Variants in GTF2F2 observed in about 807,000 individuals in gnomAD.
GTF2F2 encodes general transcription factor IIF subunit 2.
In GTF2F2, 23 loss-of-function variants were observed where a neutral mutation model predicts 42.2. The ratio of observed to expected loss-of-function variants is 0.55; its 90% CI spans 0.39 to 0.77. GTF2F2 has a LOEUF of 0.77. GTF2F2 is among the 30% of genes least tolerant of loss of function. The pLI is 0.00. For synonymous variants in GTF2F2, 105 were observed against 100.8 expected, an observed-to-expected ratio of 1.04 and a Z score of -0.25; for missense variants, 261 against 287.2, an observed-to-expected ratio of 0.91 and a Z score of 0.66.
chr13:45,134,461 G>A (rs749302521), intron 1 of GTF2F2, among the ~76,000 whole-genome samples: 5 of 152,032 alleles, frequency 3.3e-5, no homozygotes, highest in Non-Finnish European at 7.4e-5. Flanking sequence ...GAGTCCTGAG[G>A]GCATCATTTG....
chr13:45,149,917 A>G, intron 3 of GTF2F2, 129 bp downstream of exon 3: 1 of 831,064 alleles, frequency 1.2e-6, no homozygotes. Flanking sequence ...AAGAACACAT[A>G]AAGGTATAAA....
In GTF2F2 at chr13:45,149,784, C is replaced by A; in HGVS notation, c.155C>A (p.Thr52Asn). The A allele has an allele frequency of 6.7e-7, 1 of 1,500,408 alleles. No individual in the cohort carries two copies. Among genetic ancestry groups the A allele is most frequent in the South Asian group, 1.3e-5 (1 of 76,102 alleles). The allele number at this position is 1,500,408 out of a possible 1,614,324, so 92.9% of individuals were successfully genotyped here. Residue 52 changes from threonine to asparagine, a missense_variant, in exon 3 of 8, where the codon ACT (threonine) becomes AAT (asparagine). Coordinates refer to ENST00000340473, the MANE Select transcript of GTF2F2 (RefSeq NM_004128.3). Reference protein sequence around the residue: ...KLRIAKTQGRTEVSFTLNEDL... With the variant: ...KLRIAKTQGRNEVSFTLNEDL... ...CTCTCCTTTAGGACTCAAGGAAGGA[C>A]TGAGGTAAGATTATTTATATGGAAA...
chr13:45,268,346 ATTTT>A (rs926044744), intron 7 of GTF2F2, among the ~76,000 whole-genome samples: 16 of 152,118 alleles, frequency 1.1e-4, no homozygotes, highest in African/African-American at 3.4e-4. Context: ...AAAGGACTTG[ATTTT>A]TTTTATTTAT....
In GTF2F2 at chr13:45,120,606, G is replaced by A. The variant is rs369980767; in HGVS notation, c.-50G>A. The A allele has an allele frequency of 2.0e-5, 28 of 1,420,174 alleles. No homozygotes were observed. In the African/African-American group the frequency reaches 3.6e-4, roughly 18 times the overall value. The allele number at this position is 1,420,174 out of a possible 1,614,324, so 88.0% of individuals were successfully genotyped here. A position where few individuals can be genotyped will look rare whatever the true frequency, so the allele number is the denominator to read the frequency against. On this transcript the variant is annotated 5_prime_UTR_variant, in exon 1 of 8. Coordinates refer to ENST00000340473, the MANE Select transcript of GTF2F2 (RefSeq NM_004128.3). ...CGGACGCCCGCTCCTCAGCCCTGCG[G>A]CTCCTGGGGTCGCTGCTGCATCCCG...
At chr13:45,242,916 TTTAG>T (rs1875391159) in intron 5 of GTF2F2, among the ~76,000 whole-genome samples, 1 of 152,186 alleles carries the variant, frequency 6.6e-6, no homozygotes, top group Non-Finnish European at 1.5e-5. Context: ...CATTTTTTCG[TTTAG>T]TTAGGTCTTA....
chr13:45,159,082 C>T (rs1593461507), intron 4 of GTF2F2, among the ~76,000 whole-genome samples: 2 of 152,254 alleles, frequency 1.3e-5, no homozygotes, highest in South Asian at 4.1e-4. Context: ...TAGCTTAGTA[C>T]CATATTCTGT....
intron 1 of GTF2F2, among the ~76,000 whole-genome samples, chr13:45,123,623 C>G (rs1868801208): frequency 7.4e-6 from 1 of 135,898 alleles, no homozygotes. Flanking sequence ...GAGTGAAACC[C>G]TATCTAAAAA....
rs373056601 is a variant in GTF2F2, at chr13:45,149,808, A to C, written c.159+20A>C. On this transcript the variant is annotated intron_variant, in intron 3 of 7. Transcript: ENST00000340473. ...ACTGAGGTAAGATTATTTATATGGA[A>C]ATTTTAGTTAAAACTTGAGACTATC... is the stretch of plus-strand genomic sequence containing the variant. 3.3e-6 allele frequency: 5 copies of C among 1,492,850 alleles called. No homozygotes were observed. Among genetic ancestry groups the C allele is most frequent in the African/African-American group, 2.9e-5 (2 of 70,168 alleles). The allele number at this position is 1,492,850 out of a possible 1,614,324, so 92.5% of individuals were successfully genotyped here. A position where few individuals can be genotyped will look rare whatever the true frequency, so the allele number is the denominator to read the frequency against.
intron 4 of GTF2F2, chr13:45,206,746 G>A (rs547676071): frequency 6.6e-6 from 1 of 152,252 alleles, no homozygotes; most frequent in South Asian, 2.1e-4. Flanking sequence ...ATTCTCCTAG[G>A]TTTTATGTCA....
At chr13:45,185,219 TTCTG>T (rs1485172543) in intron 4 of GTF2F2, among the ~76,000 whole-genome samples, 2 of 152,160 alleles carry the variant, frequency 1.3e-5, no homozygotes, top group East Asian at 1.9e-4. Flanking sequence ...CTCCTTTTTC[TTCTG>T]TCTTATTAAG....
intron 5 of GTF2F2, among the ~76,000 whole-genome samples, chr13:45,212,463 C>CTTTTCTT (rs376424917): frequency 7.3e-5 from 2 of 27,486 alleles, no homozygotes; most frequent in African/African-American, 1.1e-4. Context: ...TTCTTTCTTT[C>CTTTTCTT]TTTCTTTCTT....
rs577388597 is a variant in GTF2F2, at chr13:45,146,211, C to T, written c.141-3559C>T. Reference sequence around the variant, plus strand: ...GGGGAAGTATGAATAGGAATTAAAACAAGGCCTGGTGCGGTGGCTTATATC... The same window carrying T: ...GGGGAAGTATGAATAGGAATTAAAATAAGGCCTGGTGCGGTGGCTTATATC... On this transcript the variant is annotated intron_variant, in intron 2 of 7. Coordinates refer to ENST00000340473, the MANE Select transcript of GTF2F2 (RefSeq NM_004128.3). 3.9e-5 allele frequency among the ~76,000 whole-genome samples: 6 copies of T among 152,208 alleles called. No individual in the cohort carries two copies. In the South Asian group the frequency reaches 1.2e-3, roughly 32 times the overall value.
In GTF2F2 at chr13:45,264,427, G is replaced by A. The variant is rs943313523; in HGVS notation, c.487-2806G>A. ...CTCCCTAGTAGCTGGAGATACAGGC[G>A]TGTGCCACCACGCCCAGCTAATTTT... On this transcript the variant is annotated intron_variant, in intron 6 of 7. Transcript: ENST00000340473. Among the ~76,000 whole-genome samples, 4 of 152,000 alleles carry A rather than the reference G, an allele frequency of 2.6e-5. No individual in the cohort carries two copies. The South Asian group carries it at 6.2e-4, about 24-fold the overall frequency.
intron 5 of GTF2F2, among the ~76,000 whole-genome samples, chr13:45,231,637 T>C (rs1302401403): frequency 6.6e-6 from 1 of 152,154 alleles, no homozygotes; most frequent in Non-Finnish European, 1.5e-5. Context: ...TGGTCGTAAA[T>C]GAAGGTCTTT....
chr13:45,267,437 G>GA (rs1876614660), intron 7 of GTF2F2, 61 bp downstream of exon 7: 1 of 1,124,312 alleles, frequency 8.9e-7, no homozygotes, highest in East Asian at 2.5e-5. Flanking sequence ...CGACATTACT[G>GA]AAAGTGTGTC....
At chr13:45,185,800 A>G (rs149082523) in intron 4 of GTF2F2, among the ~76,000 whole-genome samples, 2 of 152,182 alleles carry the variant, frequency 1.3e-5, no homozygotes, top group South Asian at 2.1e-4. Flanking sequence ...GTCTCTCTCC[A>G]GTTATCTCAC....
intron 7 of GTF2F2, among the ~76,000 whole-genome samples, chr13:45,282,787 G>C (rs1166959576): frequency 6.6e-6 from 1 of 152,176 alleles, no homozygotes; most frequent in Admixed American, 6.5e-5. Context: ...TTACAGGCGT[G>C]AGCCACCAAG....
intron 5 of GTF2F2, among the ~76,000 whole-genome samples, chr13:45,242,338 A>G (rs1438173214): frequency 1.4e-5 from 2 of 142,440 alleles, no homozygotes; most frequent in Non-Finnish European, 3.0e-5. Flanking sequence ...CAGTAACTCT[A>G]CTGCTCTTCC....
intron 1 of GTF2F2, among the ~76,000 whole-genome samples, chr13:45,125,066 T>C (rs558146432): frequency 6.6e-6 from 1 of 152,332 alleles, no homozygotes; most frequent in South Asian, 2.1e-4. Flanking sequence ...GAAACTGGAA[T>C]GGGTGATACC....
Sources: allele counts gnomAD v4.1 joint callset (sites outside exome capture counted in the v4.1 genomes callset), GRCh38; gene constraint gnomAD v4.1.1; transcripts MANE v1.5; gene names NCBI Gene and HGNC (gene_info 2026-07-23, HGNC 2026-07-21).